ZFHX3: variants seen among roughly 807,000 people sequenced by gnomAD.
ZFHX3 encodes zinc finger homeobox 3.
In ZFHX3, 42 loss-of-function variants were observed where a neutral mutation model predicts 279.1. That is an observed-to-expected ratio of 0.15 (90% CI 0.12 to 0.19). The LOEUF (loss-of-function observed/expected upper bound fraction) is 0.19. ZFHX3 is among the 10% of genes least tolerant of loss of function. The pLI, the probability that ZFHX3 is intolerant of heterozygous loss-of-function variation, is 1.00. For missense variants in ZFHX3, 4,981 were observed against 4,754.0 expected (o/e 1.05, Z -1.40); for synonymous variants, 2,293 against 1,957.8 (o/e 1.17, Z -4.52).
At chr16:73,568,200 G>A (rs1218026552) in intron 2 of ZFHX3, among the ~76,000 whole-genome samples, 1 of 152,162 alleles carries the variant, frequency 6.6e-6, no homozygotes, top group Non-Finnish European at 1.5e-5. Context: ...TTAGGAAAGT[G>A]ACATTATAGG....
chr16:73,341,670 A>T (rs1460466788), intron 3 of ZFHX3, among the ~76,000 whole-genome samples: 2 of 152,192 alleles, frequency 1.3e-5, no homozygotes, highest in Non-Finnish European at 2.9e-5. Flanking sequence ...AAACAACTTA[A>T]ATAGATAACA....
In ZFHX3 at chr16:73,588,457, C is replaced by T. The variant is rs191569441; in HGVS notation, c.-1547+91723G>A. The stretch of plus-strand genomic sequence containing the variant: ...GTCCCAGCACTTTGGGAGGCCGAGA[C>T]AGGTGGATCACAAGGCCAGGAGATC... On this transcript the variant is annotated intron_variant, in intron 2 of 17. Transcript: ENST00000641206. 3.5e-3 allele frequency among the ~76,000 whole-genome samples: 533 copies of T among 151,678 alleles called. 3 individuals are homozygous for T. Among genetic ancestry groups the T allele is most frequent in the African/African-American group, 0.012 (498 of 41,368 alleles).
rs954901503 is a variant in ZFHX3 at position 73,563,083 on chromosome 16, A to G, written c.-1546-106825T>C. ...ACCCAGGGTCTTTACAGACGAAAAC[A>G]AAGACCAAGACTTTGTCAAGGGAGG... is the stretch of plus-strand genomic sequence containing the variant. On this transcript the variant is annotated intron_variant, in intron 2 of 17. Transcript: ENST00000641206. 2.6e-5 allele frequency among the ~76,000 whole-genome samples: 4 copies of G among 152,254 alleles called. 1 individual carries two copies.
intron 1 of ZFHX3, among the ~76,000 whole-genome samples, chr16:73,053,247 T>C (rs1171657115): frequency 1.3e-5 from 2 of 152,114 alleles, no homozygotes; most frequent in East Asian, 3.9e-4. Context: ...CACTGGACAC[T>C]ATAGTCATTT....
chr16:73,670,972 T>C (rs1227176224), intron 2 of ZFHX3, among the ~76,000 whole-genome samples: 1 of 152,208 alleles, frequency 6.6e-6, no homozygotes, highest in Non-Finnish European at 1.5e-5. Flanking sequence ...GTTGCATAAT[T>C]AGTTGGTTTC....
chr16:73,509,520 C>A (rs934495711), intron 2 of ZFHX3, among the ~76,000 whole-genome samples: 1 of 129,788 alleles, frequency 7.7e-6, no homozygotes, highest in African/African-American at 3.2e-5. Context: ...CTTTCCCTCT[C>A]CTTTTTTTTT....
intron 4 of ZFHX3, among the ~76,000 whole-genome samples, chr16:73,288,239 AAGG>A (rs1295854499): frequency 2.6e-5 from 4 of 152,018 alleles, no homozygotes; most frequent in African/African-American, 9.7e-5. Flanking sequence ...GGAGATGGAA[AAGG>A]AGATGAAAGC....
At chr16:73,819,580 C>A (rs7195212) in intron 1 of ZFHX3, among the ~76,000 whole-genome samples, 1 of 151,864 alleles carries the variant, frequency 6.6e-6, no homozygotes, top group Admixed American at 6.6e-5. Context: ...TGTGGCTGTA[C>A]CTGTTGATCT....
intron 2 of ZFHX3, chr16:73,486,981 T>C (rs747890128): frequency 2.6e-5 from 10 of 379,046 alleles, no homozygotes; most frequent in Non-Finnish European, 4.7e-5. Flanking sequence ...ATATGTGTTA[T>C]GGCATAAAAC....
At chr16:73,372,275 G>A (rs555314482) in intron 3 of ZFHX3, among the ~76,000 whole-genome samples, 195 of 152,216 alleles carry the variant, frequency 1.3e-3, no homozygotes, top group South Asian at 3.7e-3. Flanking sequence ...TCATGTCTGT[G>A]ATCTATTAAA....
chr16:73,879,094 C>T (rs1176070822), intron 1 of ZFHX3, among the ~76,000 whole-genome samples: 1 of 151,524 alleles, frequency 6.6e-6, no homozygotes, highest in Non-Finnish European at 1.5e-5. Context: ...TCTTGAGGAC[C>T]AAGTTAACAA....
intron 3 of ZFHX3, among the ~76,000 whole-genome samples, chr16:72,931,947 A>G (rs1411218576): frequency 6.6e-6 from 1 of 152,238 alleles, no homozygotes; most frequent in Non-Finnish European, 1.5e-5. Flanking sequence ...ACGAACCATA[A>G]CAAGAACCAA....
rs908744169 is a variant in ZFHX3, at chr16:73,693,363, G to C, written c.-1607-13123C>G. Reference sequence around the variant, plus strand: ...TAAACAATGCGCCTGACCTATTTGAGGGTTAATATAACTAAATGGAGCCTG... The same window carrying C: ...TAAACAATGCGCCTGACCTATTTGACGGTTAATATAACTAAATGGAGCCTG... On this transcript the variant is annotated intron_variant, in intron 1 of 17. Coordinates refer to the ZFHX3 transcript ENST00000641206. Among the ~76,000 whole-genome samples, 5 of 152,046 alleles carry C rather than the reference G, an allele frequency of 3.3e-5. No individual in the cohort carries two copies. In the South Asian group the frequency reaches 8.3e-4, roughly 25 times the overall value.
intron 2 of ZFHX3, among the ~76,000 whole-genome samples, chr16:73,620,561 A>G (rs1226578382): frequency 1.3e-5 from 2 of 152,216 alleles, no homozygotes; most frequent in Non-Finnish European, 1.5e-5. Context: ...GCTTTATTAC[A>G]TACTTTCAGA....
chr16:73,423,021 C>G (rs2143496393), intron 3 of ZFHX3, among the ~76,000 whole-genome samples: 1 of 152,236 alleles, frequency 6.6e-6, no homozygotes, highest in East Asian at 1.9e-4. Flanking sequence ...CCCTCTGAGT[C>G]CTAATCTCCC....
rs550610989 is a variant in ZFHX3 at position 73,215,726 on chromosome 16, T to C, written c.-1104+41321A>G. ...TGTTCACAACTGATCATGTCCTCTG[T>C]GTATAAGAATTATTCATTACACATT... is the stretch of plus-strand genomic sequence containing the variant. On this transcript the variant is annotated intron_variant, in intron 5 of 17. Transcript: ENST00000641206. Among the ~76,000 whole-genome samples the C allele has an allele frequency of 4.6e-5, 7 of 152,348 alleles. No individual in the cohort carries two copies. In the East Asian group the frequency reaches 1.3e-3, roughly 29 times the overall value.
At position 73,715,813 on chromosome 16, in the gene ZFHX3, C is replaced by T. The variant is rs185413338; in HGVS notation, c.-1607-35573G>A. ...GGTCTTGAACTCCTGACGTCGTGATCCACCCACCTCAGGCTCCCAAAGTGC... is the reference window on the plus strand; with the variant it reads ...GGTCTTGAACTCCTGACGTCGTGATTCACCCACCTCAGGCTCCCAAAGTGC... On this transcript the variant is annotated intron_variant, in intron 1 of 17. Transcript: ENST00000641206. 2.0e-3 allele frequency among the ~76,000 whole-genome samples: 299 copies of T among 151,980 alleles called. 1 individual carries two copies. Among genetic ancestry groups the T allele is most frequent in the South Asian group, 0.011 (53 of 4,806 alleles).
chr16:73,351,840 G>C (rs1251418356), intron 3 of ZFHX3, among the ~76,000 whole-genome samples: 2 of 152,168 alleles, frequency 1.3e-5, no homozygotes, highest in East Asian at 3.9e-4. Context: ...CCAAAAGACT[G>C]TCACTCAAAG....
intron 3 of ZFHX3, among the ~76,000 whole-genome samples, chr16:73,453,290 T>C (rs2018310774): frequency 6.6e-6 from 1 of 152,182 alleles, no homozygotes; most frequent in Non-Finnish European, 1.5e-5. Context: ...TACTGTTCCA[T>C]CCCCCTGAAT....
Sources: gnomAD v4.1 joint callset for allele counts (sites outside exome capture counted in the v4.1 genomes callset) on GRCh38, gnomAD v4.1.1 for gene constraint, MANE v1.5 for transcripts, NCBI Gene and HGNC (gene_info 2026-07-23, HGNC 2026-07-21) for gene names.